CTTNBP2NL: variants seen among roughly 807,000 people sequenced by gnomAD.
CTTNBP2NL encodes CTTNBP2 N-terminal like, also known as CTTNBP2 N-terminal-like protein.
CTTNBP2NL carries 16 observed loss-of-function variants against 32.5 expected under a neutral mutation model. The observed-to-expected ratio is 0.49, with a 90% CI of 0.33 to 0.75. CTTNBP2NL has a LOEUF of 0.75. Ranked by LOEUF, CTTNBP2NL falls within the 30% of genes least tolerant of loss-of-function variation. CTTNBP2NL has a pLI of 0.02. For synonymous variants in CTTNBP2NL, 298 were observed against 289.4 expected (o/e 1.03, Z -0.30); for missense variants, 645 against 756.0 (o/e 0.85, Z 1.72).
rs1175642 is a variant in CTTNBP2NL at position 112,457,970 on chromosome 1, A to G, written c.*558A>G. On this transcript the variant is annotated 3_prime_UTR_variant, in exon 6 of 6. Transcript: ENST00000271277. ...GCTTTGTGTTCTGAAACAAGGCTGC[A>G]TAAGTAGAATGGGAATCCTTCTAAA... is the stretch of plus-strand genomic sequence containing the variant. 0.024 allele frequency: 3,745 copies of G among 153,770 alleles called. 123 individuals are homozygous for G. Among genetic ancestry groups the G allele is most frequent in the African/African-American group, 0.08 (3,338 of 41,564 alleles). The allele number at this position is 153,770 out of a possible 1,614,324, so 9.5% of individuals were successfully genotyped here. A position where few individuals can be genotyped will look rare whatever the true frequency, so the allele number is the denominator to read the frequency against.
At chr1:112,428,812 A>C (rs1414555532) in intron 3 of CTTNBP2NL, among the ~76,000 whole-genome samples, 1 of 152,130 alleles carries the variant, frequency 6.6e-6, no homozygotes, top group East Asian at 1.9e-4. Context: ...TTATGACCCC[A>C]CTAGACTAGT....
At chr1:112,437,022 A>G (rs903461624) in intron 3 of CTTNBP2NL, among the ~76,000 whole-genome samples, 4 of 151,946 alleles carry the variant, frequency 2.6e-5, no homozygotes, top group Non-Finnish European at 5.9e-5. Context: ...TATGTACCAC[A>G]TTTTCTTTAT....
At chr1:112,392,940 CT>C (rs1349258908), upstream of CTTNBP2NL, among the ~76,000 whole-genome samples, 2 of 152,064 alleles carry the variant, frequency 1.3e-5, no homozygotes, top group Non-Finnish European at 2.9e-5. Context: ...TCACTGCAAC[CT>C]CCATCTCCTG....
rs1352058424 is a variant in CTTNBP2NL at position 112,449,086 on chromosome 1, A to G, written c.244A>G (p.Ile82Val). The part of the protein sequence containing the change: ...KQPVCTNPLS[I>V]LKVVMKQCKN... Reference sequence around the variant, plus strand: ...GCCAGTCTGCACAAATCCACTCTCTATTCTTAAGGTTGTGATGAAGCAGTG... The same window carrying G: ...GCCAGTCTGCACAAATCCACTCTCTGTTCTTAAGGTTGTGATGAAGCAGTG... Residue 82 changes from isoleucine (I) to valine (V), a missense_variant, in exon 4 of 6, where the codon ATT (isoleucine) becomes GTT (valine). Transcript: ENST00000271277. The G allele has an allele frequency of 1.1e-5, 17 of 1,613,550 alleles. No individual in the cohort carries two copies. The highest frequency in any genetic ancestry group is 4.5e-5 in the East Asian group (2 of 44,872).
At chr1:112,391,719 C>G (rs918431428), upstream of CTTNBP2NL, among the ~76,000 whole-genome samples, 1 of 152,130 alleles carries the variant, frequency 6.6e-6, no homozygotes, top group Non-Finnish European at 1.5e-5. Flanking sequence ...CCAGGCCGGG[C>G]GCGGTGGCTC....
chr1:112,428,017 A>T (rs1013293216), intron 3 of CTTNBP2NL, among the ~76,000 whole-genome samples: 2 of 152,162 alleles, frequency 1.3e-5, no homozygotes, highest in African/African-American at 4.8e-5. Flanking sequence ...GTTTAATGAC[A>T]TAGTAGTGTT....
chr1:112,418,220 G>A (rs1274525529), intron 3 of CTTNBP2NL, among the ~76,000 whole-genome samples: 1 of 152,162 alleles, frequency 6.6e-6, no homozygotes, highest in Non-Finnish European at 1.5e-5. Flanking sequence ...TTCAGGATAT[G>A]TTGTAAAGTT....
chr1:112,428,204 T>C lies in CTTNBP2NL; in HGVS notation c.99+11940T>C, dbSNP rs528099292. ...CCTAGGTAGTAGAATCATATGCATA[T>C]TTTAATTTTTTCTTCAGAACTTCTG... On this transcript the variant is annotated intron_variant, in intron 3 of 5. Transcript: ENST00000271277. Among the ~76,000 whole-genome samples the C allele has an allele frequency of 2.8e-4, 43 of 152,304 alleles. No homozygotes were observed. In the South Asian group the frequency reaches 8.7e-3, roughly 31 times the overall value.
At chr1:112,399,018 T>C (rs980652295) in intron 1 of CTTNBP2NL, among the ~76,000 whole-genome samples, 2 of 152,096 alleles carry the variant, frequency 1.3e-5, no homozygotes, top group African/African-American at 4.8e-5. Context: ...TGCTGATTTT[T>C]GTTCAAGAAT....
intron 3 of CTTNBP2NL, among the ~76,000 whole-genome samples, chr1:112,438,173 T>C (rs541875660): frequency 1.2e-4 from 19 of 152,230 alleles, no homozygotes; most frequent in Non-Finnish European, 8.8e-5. Context: ...TACTAGTTCA[T>C]GAGCATGGAG....
At chr1:112,401,882 T>A (rs1280715882) in intron 1 of CTTNBP2NL, among the ~76,000 whole-genome samples, 1 of 152,208 alleles carries the variant, frequency 6.6e-6, no homozygotes, top group Non-Finnish European at 1.5e-5. Context: ...CTTTCTGACT[T>A]CTGGAGCCAC....
chr1:112,402,139 C>T (rs1648524754), intron 1 of CTTNBP2NL, among the ~76,000 whole-genome samples: 1 of 151,696 alleles, frequency 6.6e-6, no homozygotes, highest in East Asian at 1.9e-4. Context: ...GAGAGCCAGG[C>T]CAGGCATGGT....
intron 3 of CTTNBP2NL, among the ~76,000 whole-genome samples, chr1:112,432,753 TA>T (rs77485849): frequency 4.5e-3 from 610 of 136,042 alleles, no homozygotes; most frequent in Middle Eastern, 7.5e-3. Context: ...ATTCTATATT[TA>T]AAAAAAAAAA....
intron 3 of CTTNBP2NL, among the ~76,000 whole-genome samples, chr1:112,417,159 A>C (rs1266613700): frequency 5.3e-5 from 8 of 152,174 alleles, no homozygotes; most frequent in South Asian, 2.1e-4. Flanking sequence ...AGTTTTACCG[A>C]GATAACCTGT....
At chr1:112,452,921 G>C (rs979137231) in intron 4 of CTTNBP2NL, among the ~76,000 whole-genome samples, 8 of 150,564 alleles carry the variant, frequency 5.3e-5, no homozygotes, top group Admixed American at 1.3e-4. Context: ...CCAGGTGTTT[G>C]AGACCAGCCT....
intron 3 of CTTNBP2NL, among the ~76,000 whole-genome samples, chr1:112,427,895 CAAA>C (rs34043965): frequency 7.5e-6 from 1 of 132,912 alleles, no homozygotes; most frequent in Admixed American, 7.6e-5. Context: ...GACTCTGTCT[CAAA>C]AAAAAAAAAA....
At chr1:112,408,220 A>ATTTTTTTTTTTTTTTTTTTTTTTTTTTT (rs397981257) in intron 1 of CTTNBP2NL, among the ~76,000 whole-genome samples, 6 of 103,760 alleles carry the variant, frequency 5.8e-5, no homozygotes, top group African/African-American at 1.7e-4. Flanking sequence ...TTTTTTTTTA[A>ATTTTTTTTTTTTTTTTTTTTTTTTTTTT]TTTTTTTTTT....
At chr1:112,438,196 T>C (rs1298819900) in intron 3 of CTTNBP2NL, among the ~76,000 whole-genome samples, 2 of 152,220 alleles carry the variant, frequency 1.3e-5, no homozygotes, top group Non-Finnish European at 2.9e-5. Flanking sequence ...TTTTTCCATT[T>C]GTTTGTGTCA....
intron 1 of CTTNBP2NL, among the ~76,000 whole-genome samples, chr1:112,397,378 AATC>A (rs1168611771): frequency 2.0e-5 from 3 of 152,162 alleles, no homozygotes; most frequent in Non-Finnish European, 4.4e-5. Flanking sequence ...GTTTATGATT[AATC>A]TAGTCCTATG....
Sources: gnomAD v4.1 joint callset for allele counts (sites outside exome capture counted in the v4.1 genomes callset) on GRCh38, gnomAD v4.1.1 for gene constraint, MANE v1.5 for transcripts, NCBI Gene and HGNC (gene_info 2026-07-23, HGNC 2026-07-21) for gene names.